Variants in TMEM232 observed in about 807,000 individuals in gnomAD.
The protein encoded by TMEM232 is transmembrane protein 232.
TMEM232 carries 80 observed loss-of-function variants against 78.8 expected under a neutral mutation model. The observed-to-expected ratio is 1.01, with a 90% CI of 0.85 to 1.22. The LOEUF is 1.22. TMEM232 is among the 50% of genes most tolerant of loss of function. The probability of loss-of-function intolerance (pLI) is 0.00; values close to 1 mark genes in which losing one functional copy is unlikely to be tolerated. For synonymous variants in TMEM232, 297 were observed against 254.3 expected, an observed-to-expected ratio of 1.17 and a Z score of -1.60; for missense variants, 881 against 742.2, an observed-to-expected ratio of 1.19 and a Z score of -2.17.
intron 12 of TMEM232, among the ~76,000 whole-genome samples, chr5:110,524,924 T>C (rs1002432361): frequency 1.3e-4 from 20 of 152,240 alleles, no homozygotes; most frequent in African/African-American, 4.6e-4. Flanking sequence ...CTTTCTCACC[T>C]AATGTCTATT....
At chr5:110,643,526 C>T (rs373402935) in intron 2 of TMEM232, among the ~76,000 whole-genome samples, 2 of 151,870 alleles carry the variant, frequency 1.3e-5, no homozygotes, top group East Asian at 1.9e-4. Context: ...GGATGTACCA[C>T]AAAATTGAAG....
chr5:110,493,659 A>G (rs538865442), intron 12 of TMEM232, among the ~76,000 whole-genome samples: 38 of 152,266 alleles, frequency 2.5e-4, no homozygotes, highest in East Asian at 1.3e-3. Flanking sequence ...ATGGAATGCC[A>G]TGACTTCAAG....
chr5:110,509,263 G>T (rs1475289924), intron 12 of TMEM232, among the ~76,000 whole-genome samples: 1 of 151,430 alleles, frequency 6.6e-6, no homozygotes, highest in Non-Finnish European at 1.5e-5. Context: ...CACTTTGTCT[G>T]TACAAAAATA....
intron 12 of TMEM232, among the ~76,000 whole-genome samples, chr5:110,463,014 T>C (rs1045438361): frequency 6.6e-6 from 1 of 152,176 alleles, no homozygotes; most frequent in African/African-American, 2.4e-5. Flanking sequence ...AAATATCAAA[T>C]AAACTTAGCT....
intron 3 of TMEM232, among the ~76,000 whole-genome samples, chr5:110,392,069 T>C (rs1755217276): frequency 6.6e-6 from 1 of 152,228 alleles, no homozygotes; most frequent in African/African-American, 2.4e-5. Flanking sequence ...TCCACTCTTC[T>C]AGACTATTCT....
At chr5:110,523,172 G>A (rs2149507039) in intron 12 of TMEM232, among the ~76,000 whole-genome samples, 1 of 152,106 alleles carries the variant, frequency 6.6e-6, no homozygotes, top group Non-Finnish European at 1.5e-5. Context: ...TTTCTTCTGG[G>A]TTTTCCAGTT....
At chr5:110,626,169 T>G (rs980285759) in intron 6 of TMEM232, among the ~76,000 whole-genome samples, 5 of 151,842 alleles carry the variant, frequency 3.3e-5, no homozygotes, top group Non-Finnish European at 7.4e-5. Flanking sequence ...GATTTTATTC[T>G]TGTATGTGAA....
chr5:110,493,794 T>C (rs1765365701), intron 12 of TMEM232, among the ~76,000 whole-genome samples: 1 of 151,976 alleles, frequency 6.6e-6, no homozygotes, highest in South Asian at 2.1e-4. Flanking sequence ...CTTTTTTTTT[T>C]TAATACTTTT....
intron 11 of TMEM232, among the ~76,000 whole-genome samples, chr5:110,548,982 A>G (rs1774119177): frequency 6.6e-6 from 1 of 151,994 alleles, no homozygotes; most frequent in Non-Finnish European, 1.5e-5. Context: ...GTCTCAATAT[A>G]TGTAACACTA....
intron 10 of TMEM232, among the ~76,000 whole-genome samples, chr5:110,578,797 A>G (rs1440586705): frequency 6.6e-6 from 1 of 151,878 alleles, no homozygotes; most frequent in African/African-American, 2.4e-5. Context: ...AAATGGATCA[A>G]TTCTCATTAT....
intron 1 of TMEM232, among the ~76,000 whole-genome samples, chr5:110,692,384 G>A (rs1000654258): frequency 1.3e-5 from 2 of 152,374 alleles, no homozygotes; most frequent in Non-Finnish European, 2.9e-5. Flanking sequence ...CAACGCAGAA[G>A]ATGGGTGATT....
chr5:110,657,128 GA>G (rs1354641633), intron 2 of TMEM232, among the ~76,000 whole-genome samples: 2 of 152,046 alleles, frequency 1.3e-5, no homozygotes, highest in African/African-American at 4.8e-5. Flanking sequence ...TAGAAGAAAA[GA>G]AAACTCATAC....
chr5:110,586,880 C>G (rs183261517), intron 10 of TMEM232, among the ~76,000 whole-genome samples: 7 of 152,180 alleles, frequency 4.6e-5, no homozygotes, highest in Non-Finnish European at 8.8e-5. Flanking sequence ...GCTCTAGAAT[C>G]AAGTGTAATC....
chr5:110,610,285 G>A (rs1288636935), intron 8 of TMEM232, among the ~76,000 whole-genome samples: 1 of 20,032 alleles, frequency 5.0e-5, no homozygotes, highest in African/African-American at 1.0e-4. Context: ...GTGGGTGAAG[G>A]GAGGGAGAAA....
chr5:110,617,266 G>A (rs936247753), intron 8 of TMEM232, among the ~76,000 whole-genome samples: 1 of 152,172 alleles, frequency 6.6e-6, no homozygotes, highest in Non-Finnish European at 1.5e-5. Flanking sequence ...GGCTTGGGAT[G>A]GGGAGTAAGG....
At chr5:110,435,374 C>CTATATGG (rs1758308827) in intron 12 of TMEM232, among the ~76,000 whole-genome samples, 1 of 150,580 alleles carries the variant, frequency 6.6e-6, no homozygotes, top group Admixed American at 6.6e-5. Flanking sequence ...GTATATATAC[C>CTATATGG]TATATGGTAC....
At chr5:110,682,134 A>G (rs1419566855) in intron 1 of TMEM232, among the ~76,000 whole-genome samples, 1 of 152,218 alleles carries the variant, frequency 6.6e-6, no homozygotes, top group Admixed American at 6.5e-5. Flanking sequence ...ATCACTGTCA[A>G]GAAGTAGCTA....
chr5:110,673,393 T>C (rs565259286), intron 1 of TMEM232, among the ~76,000 whole-genome samples: 1 of 151,988 alleles, frequency 6.6e-6, no homozygotes, highest in East Asian at 1.9e-4. Context: ...ACATGGCACA[T>C]GTATACATAT....
intron 12 of TMEM232, among the ~76,000 whole-genome samples, chr5:110,512,017 C>T (rs1767827303): frequency 6.6e-6 from 1 of 152,068 alleles, no homozygotes; most frequent in Non-Finnish European, 1.5e-5. Flanking sequence ...CCAGTACATG[C>T]CTTCATACAT....
Sources: allele counts gnomAD v4.1 joint callset (sites outside exome capture counted in the v4.1 genomes callset), GRCh38; gene constraint gnomAD v4.1.1; transcripts MANE v1.5; gene names NCBI Gene and HGNC (gene_info 2026-07-23, HGNC 2026-07-21).